The following SLC12A6 variants were observed in gnomAD, a reference collection of about 807,000 sequenced individuals.
SLC12A6 encodes solute carrier family 12 member 6, also known as K-Cl cotransporter 3.
SLC12A6 carries 66 observed loss-of-function variants against 135.3 expected under a neutral mutation model. The ratio of observed to expected loss-of-function variants is 0.49; its 90% CI spans 0.40 to 0.60. The LOEUF (loss-of-function observed/expected upper bound fraction) is 0.60, where lower values mean the gene tolerates loss of function less well. SLC12A6 is among the 20% of genes least tolerant of loss of function. The pLI is 0.00. For missense variants in SLC12A6, 1,058 were observed against 1,452.3 expected, an observed-to-expected ratio of 0.73 and a Z score of 4.41; for synonymous variants, 513 against 508.8, an observed-to-expected ratio of 1.01 and a Z score of -0.11.
chr15:34,267,437 A>G (rs1893603392), intron 3 of SLC12A6, among the ~76,000 whole-genome samples: 1 of 152,160 alleles, frequency 6.6e-6, no homozygotes, highest in African/African-American at 2.4e-5. Flanking sequence ...ACTCAGCACT[A>G]TGGAATTTTG....
chr15:34,287,147 C>G (rs559930878), intron 2 of SLC12A6, among the ~76,000 whole-genome samples: 4 of 151,870 alleles, frequency 2.6e-5, no homozygotes, highest in African/African-American at 4.8e-5. Context: ...TCCCTACCCC[C>G]CCGGGCTCTG....
chr15:34,259,208 C>T (rs1892947887), intron 4 of SLC12A6, among the ~76,000 whole-genome samples: 1 of 152,054 alleles, frequency 6.6e-6, no homozygotes, highest in Non-Finnish European at 1.5e-5. Flanking sequence ...GGTGTGGTGG[C>T]ACGTGCCTGT....
At position 34,311,105 on chromosome 15, in the gene SLC12A6, T is replaced by C. The variant is rs1888223285; in HGVS notation, c.271+25305A>G. Among the ~76,000 whole-genome samples the C allele has an allele frequency of 2.0e-5, 3 of 152,116 alleles. No homozygotes were observed. In the South Asian group the frequency reaches 6.2e-4, roughly 31 times the overall value. The stretch of plus-strand genomic sequence containing the variant: ...AGATGCTCTTCAATACCAGTACAGG[T>C]TCCTCTCTCTATTGTGCTATAGGTC... On this transcript the variant is annotated intron_variant, in intron 2 of 25. Coordinates refer to ENST00000354181, the MANE Select transcript of SLC12A6 (RefSeq NM_001365088.1).
At chr15:34,274,822 AG>A (rs1894191965) in intron 3 of SLC12A6, among the ~76,000 whole-genome samples, 1 of 152,092 alleles carries the variant, frequency 6.6e-6, no homozygotes, top group African/African-American at 2.4e-5. Flanking sequence ...AAAAAAAAAA[AG>A]AGAAATTCTT....
intron 2 of SLC12A6, among the ~76,000 whole-genome samples, chr15:34,312,162 A>C (rs1186491848): frequency 6.6e-6 from 1 of 151,394 alleles, no homozygotes; most frequent in Non-Finnish European, 1.5e-5. Context: ...GGCAAAAGTC[A>C]CTCAAGTAAT....
intron 2 of SLC12A6, among the ~76,000 whole-genome samples, chr15:34,292,387 G>T (rs553593049): frequency 1.3e-4 from 20 of 152,092 alleles, no homozygotes; most frequent in Non-Finnish European, 2.5e-4. Context: ...GAACCTGCTT[G>T]TATGAGGTGT....
chr15:34,332,988 T>C (rs1423338608), intron 2 of SLC12A6, among the ~76,000 whole-genome samples: 1 of 152,102 alleles, frequency 6.6e-6, no homozygotes, highest in Non-Finnish European at 1.5e-5. Context: ...CAAATAACCA[T>C]CTCTATAAGC....
chr15:34,250,448 T>C, intron 12 of SLC12A6, 93 bp from the exon 13 acceptor site: 1 of 908,784 alleles, frequency 1.1e-6, no homozygotes, highest in South Asian at 1.3e-5. Context: ...GTCAGTAAAA[T>C]GAGCTGCTAA....
At chr15:34,318,192 AT>A (rs1888785145) in intron 2 of SLC12A6, among the ~76,000 whole-genome samples, 1 of 152,218 alleles carries the variant, frequency 6.6e-6, no homozygotes, top group Admixed American at 6.5e-5. Flanking sequence ...TTTAAATGTC[AT>A]CCACTCGGTG....
At chr15:34,323,505 T>G (rs1889261435) in intron 2 of SLC12A6, among the ~76,000 whole-genome samples, 1 of 152,184 alleles carries the variant, frequency 6.6e-6, no homozygotes, top group African/African-American at 2.4e-5. Flanking sequence ...GGATCTAAAT[T>G]ATGTGCTCCT....
Position 34,244,030 on chromosome 15 carries a change from G to C in SLC12A6, c.1986C>G (p.Ala662=). Residue 662 remains alanine (A), a synonymous_variant, in exon 16 of 26, where the codon GCC becomes GCG. Transcript: ENST00000354181. Reference sequence around the variant, plus strand: ...TGGGTGTTCGAAGTAATGTTTGCAAGGCACATGCCAAGTTTACAAAGAGGT... The same window carrying C: ...TGGGTGTTCGAAGTAATGTTTGCAACGCACATGCCAAGTTTACAAAGAGGT... ...MCYLFVNLAC[A]LQTLLRTPNW... The C allele has an allele frequency of 6.2e-7, 1 of 1,609,390 alleles. No homozygotes were observed. Among genetic ancestry groups the C allele is most frequent in the Non-Finnish European group, 8.5e-7 (1 of 1,175,674 alleles).
chr15:34,294,004 C>T (rs1233451321), intron 2 of SLC12A6, among the ~76,000 whole-genome samples: 1 of 152,176 alleles, frequency 6.6e-6, no homozygotes. Context: ...TATAAACTTG[C>T]AAATGTATAT....
chr15:34,325,524 T>C (rs1044081337), intron 2 of SLC12A6, among the ~76,000 whole-genome samples: 1 of 152,136 alleles, frequency 6.6e-6, no homozygotes. Flanking sequence ...AGGCTAAAAC[T>C]AAAAATAGAA....
intron 2 of SLC12A6, chr15:34,318,842 C>G: frequency 6.7e-7 from 1 of 1,489,924 alleles, no homozygotes; most frequent in Non-Finnish European, 8.9e-7. Context: ...ACCTACAGCC[C>G]TGAGGGAGTG....
chr15:34,260,417 C>G (rs575764433), intron 4 of SLC12A6, among the ~76,000 whole-genome samples: 1 of 152,116 alleles, frequency 6.6e-6, no homozygotes, highest in Non-Finnish European at 1.5e-5. Flanking sequence ...CGCCACCATG[C>G]CCGGCTAATT....
At chr15:34,254,196 C>T in intron 9 of SLC12A6, 152 bp downstream of exon 9, 1 of 804,240 alleles carries the variant, frequency 1.2e-6, no homozygotes, top group South Asian at 1.4e-5. Context: ...GGTAGGCTTC[C>T]TGCCTAGATG....
At chr15:34,329,878 A>T (rs1889720145) in intron 2 of SLC12A6, among the ~76,000 whole-genome samples, 1 of 152,188 alleles carries the variant, frequency 6.6e-6, no homozygotes, top group African/African-American at 2.4e-5. Context: ...ACTTCAACAA[A>T]TTATAAACAT....
At chr15:34,330,470 C>T (rs973614362) in intron 2 of SLC12A6, among the ~76,000 whole-genome samples, 3 of 151,684 alleles carry the variant, frequency 2.0e-5, no homozygotes, top group Non-Finnish European at 2.9e-5. Flanking sequence ...TGCAGGAGTT[C>T]GAGACCAGCC....
chr15:34,246,010 C>T, intron 13 of SLC12A6, 143 bp from the exon 14 acceptor site: 1 of 719,092 alleles, frequency 1.4e-6, no homozygotes, highest in Non-Finnish European at 2.5e-6. Context: ...TTGGCTCACT[C>T]CAAACTCCGC....
Sources: allele counts gnomAD v4.1 joint callset (sites outside exome capture counted in the v4.1 genomes callset), GRCh38; gene constraint gnomAD v4.1.1; transcripts MANE v1.5; gene names NCBI Gene and HGNC (gene_info 2026-07-23, HGNC 2026-07-21).